The following MALAT1 variants were observed in gnomAD, a reference collection of about 807,000 sequenced individuals.
MALAT1 encodes the protein metastasis associated lung adenocarcinoma transcript 1, also known as hepcarcin.
chr11:65,498,313 A>G (rs753561558), intron 1 of MALAT1: 1 of 518,258 alleles, frequency 1.9e-6, no homozygotes, highest in Non-Finnish European at 3.9e-6. Context: ...AAAACGGTAG[A>G]AAAATTTCCG....
chr11:65,498,382 CA>C (rs1310021679), intron 1 of MALAT1: 2 of 518,304 alleles, frequency 3.9e-6, no homozygotes, highest in Non-Finnish European at 7.7e-6. Context: ...GGGCCACTGG[CA>C]GCCAACGGCC....
At chr11:65,497,783 A>C (rs531029073) in exon 1 of MALAT1, 4 of 477,062 alleles carry the variant, frequency 8.4e-6, no homozygotes, top group Admixed American at 2.3e-5. Context: ...GGGCCCCGCA[A>C]CTGGCCTCTC....
chr11:65,505,463 G>C (rs1241637903), intron 3 of MALAT1: 2 of 513,070 alleles, frequency 3.9e-6, no homozygotes, highest in Admixed American at 3.9e-5. Context: ...GGTGCTTGAA[G>C]GGGAGGGAAA....
At chr11:65,501,088 C>T (rs754751028) in exon 3 of MALAT1, 1 of 512,720 alleles carries the variant, frequency 2.0e-6, no homozygotes, top group Non-Finnish European at 3.9e-6. Context: ...AATCTGTAAG[C>T]AGTTTGTATG....
exon 3 of MALAT1, chr11:65,503,751 T>G (rs926557603): frequency 1.9e-6 from 1 of 517,300 alleles, no homozygotes; most frequent in Non-Finnish European, 3.9e-6. Context: ...CGAACACTCT[T>G]TAATGGACCA....
At chr11:65,502,032 T>C (rs1278581482) in exon 3 of MALAT1, 3 of 517,192 alleles carry the variant, frequency 5.8e-6, no homozygotes, top group Non-Finnish European at 1.2e-5. Context: ...TTTAGTTTTT[T>C]TCCCCCCAGT....
intron 1 of MALAT1, chr11:65,498,378 C>G (rs868153195): frequency 3.9e-6 from 2 of 518,416 alleles, no homozygotes; most frequent in Middle Eastern, 3.2e-4. Flanking sequence ...GAGTGGGCCA[C>G]TGGCAGCCAA....
exon 3 of MALAT1, chr11:65,503,563 G>A (rs1486624688): frequency 1.9e-6 from 1 of 518,012 alleles, no homozygotes; most frequent in Non-Finnish European, 3.9e-6. Context: ...TTTACATGTT[G>A]TGATGTAAAT....
At position 65,497,875 on chromosome 11, in the gene MALAT1, C is replaced by T. The variant is rs533468558; in HGVS notation, n.178+10C>T. The T allele has an allele frequency of 1.2e-4, 63 of 518,800 alleles. No individual in the cohort carries two copies. The East Asian group carries it at 3.2e-3, about 26-fold the overall frequency. The allele number at this position is 518,800 out of a possible 1,614,324, so 32.1% of individuals were successfully genotyped here. A position where few individuals can be genotyped will look rare whatever the true frequency, so the allele number is the denominator to read the frequency against. On this transcript the variant is annotated intron_variant and non_coding_transcript_variant, in intron 1 of 3. Transcript: ENST00000619449. ...CTCAGCTCGCCTGAAGGCAGGTCCC[C>T]TCTGACGCCTCCGGGAGCCCAGGTT...
chr11:65,501,594 T>TG lies in MALAT1; in HGVS notation n.2858dup, dbSNP rs767287174. 4.8e-5 allele frequency: 25 copies of TG among 518,684 alleles called. 1 individual carries two copies. The highest frequency in any genetic ancestry group is 3.4e-4 in the South Asian group (24 of 71,562). 32.1% of individuals were successfully genotyped at this position (518,684 alleles called of 1,614,324 possible). A position where few individuals can be genotyped will look rare whatever the true frequency, so the allele number is the denominator to read the frequency against. The stretch of plus-strand genomic sequence containing the variant: ...GTTTTTTTCTAAGATTTTCCACAGA[T>TG]GCTATAGTACTATTGACAAACTGGG... On this transcript the variant is annotated non_coding_transcript_exon_variant, in exon 3 of 4. Transcript: ENST00000619449.
chr11:65,498,506 C>T (rs529795519), intron 1 of MALAT1: 4 of 516,642 alleles, frequency 7.7e-6, no homozygotes, highest in East Asian at 5.4e-5. Flanking sequence ...GCTCCGATTT[C>T]TCGAACAAAA....
At position 65,500,524 on chromosome 11, in the gene MALAT1, GAA is replaced by G. The variant is rs563857678; in HGVS notation, n.1790_1791del. On this transcript the variant is annotated non_coding_transcript_exon_variant, in exon 3 of 4. Coordinates refer to ENST00000619449, the Ensembl canonical transcript of MALAT1. The stretch of plus-strand genomic sequence containing the variant: ...AAGCAGCAGTTCGTGGTGAAGATAG[GAA>G]AAGAGTCCAGGAGCCAGTGCGATTT... The G allele has an allele frequency of 2.1e-3, 1,089 of 518,930 alleles. 3 individuals are homozygous for G. Among genetic ancestry groups the G allele is most frequent in the Non-Finnish European group, 3.6e-3 (944 of 259,814 alleles). 32.1% of individuals were successfully genotyped at this position (518,930 alleles called of 1,614,324 possible). A position where few individuals can be genotyped will look rare whatever the true frequency, so the allele number is the denominator to read the frequency against.
At chr11:65,503,206 C>T (rs368725127) in exon 3 of MALAT1, 3 of 512,974 alleles carry the variant, frequency 5.8e-6, no homozygotes, top group African/African-American at 1.9e-5. Flanking sequence ...GTTTAACTTG[C>T]ATCTGCAGTA....
At chr11:65,500,303 C>G (rs1565051276) in exon 3 of MALAT1, 3 of 518,872 alleles carry the variant, frequency 5.8e-6, no homozygotes, top group South Asian at 4.2e-5. Flanking sequence ...AATTCAAGAT[C>G]AAGAGTAATT....
At chr11:65,500,954 CTT>C (rs759638185) in exon 3 of MALAT1, 4 of 510,672 alleles carry the variant, frequency 7.8e-6, no homozygotes, top group Non-Finnish European at 1.6e-5. Context: ...TTGTCTGAAG[CTT>C]TTGAGGGCAG....
exon 3 of MALAT1, chr11:65,500,286 CGG>C (rs1359873855): frequency 1.9e-6 from 1 of 518,688 alleles, no homozygotes; most frequent in Non-Finnish European, 3.8e-6. Flanking sequence ...ACTTTCGTAA[CGG>C]AAGTAATTCA....
chr11:65,501,649 G>C, exon 3 of MALAT1: 2 of 518,962 alleles, frequency 3.9e-6, no homozygotes, highest in South Asian at 2.8e-5. Context: ...CTGTGCTGTT[G>C]GCACGAACAC....
intron 2 of MALAT1, chr11:65,498,873 T>C (rs750984980): frequency 1.9e-6 from 1 of 518,398 alleles, no homozygotes; most frequent in African/African-American, 1.9e-5. Flanking sequence ...ATGTGTAGTT[T>C]GCATTCAAGT....
intron 1 of MALAT1, chr11:65,498,291 C>T (rs1263508107): frequency 1.9e-6 from 1 of 518,474 alleles, no homozygotes; most frequent in Non-Finnish European, 3.9e-6. Context: ...TTCAGGAGAG[C>T]CTGGAAGCTG....
Sources: gnomAD v4.1 joint callset for allele counts on GRCh38, gnomAD v4.1.1 for gene constraint, MANE v1.5 for transcripts, NCBI Gene and HGNC (gene_info 2026-07-23, HGNC 2026-07-21) for gene names.